The following SGIP1 variants were observed in gnomAD, a reference collection of about 807,000 sequenced individuals.
SGIP1 encodes SH3GL interacting endocytic adaptor 1, also known as SH3-containing GRB2-like protein 3-interacting protein 1.
In SGIP1, 38 loss-of-function variants were observed where a neutral mutation model predicts 107.5. The observed-to-expected ratio is 0.35, with a 90% confidence interval of 0.27 to 0.46. The LOEUF is 0.46. SGIP1 is among the 20% of genes least tolerant of loss of function. The pLI, the probability that SGIP1 is intolerant of heterozygous loss-of-function variation, is 1.00. For synonymous variants in SGIP1, 365 were observed against 366.1 expected, an observed-to-expected ratio of 1.00 and a Z score of 0.03; for missense variants, 929 against 1,019.5, an observed-to-expected ratio of 0.91 and a Z score of 1.21.
intron 1 of SGIP1, among the ~76,000 whole-genome samples, chr1:66,540,299 T>C (rs938555764): frequency 6.6e-6 from 1 of 152,200 alleles, no homozygotes; most frequent in Non-Finnish European, 1.5e-5. Context: ...GATGAGCTCC[T>C]AGGAAATGAT....
intron 1 of SGIP1, among the ~76,000 whole-genome samples, chr1:66,621,217 T>G (rs1218741393): frequency 6.6e-6 from 1 of 152,236 alleles, no homozygotes; most frequent in Non-Finnish European, 1.5e-5. Flanking sequence ...TTCTTGATTC[T>G]GAAGGTCACT....
intron 1 of SGIP1, among the ~76,000 whole-genome samples, chr1:66,574,517 TATGAGAACAATTAG>T: frequency 6.6e-6 from 1 of 152,288 alleles, no homozygotes. Flanking sequence ...GTTATACATC[TATGAGAACAATTAG>T]ATTGTTTTTG....
intron 12 of SGIP1, among the ~76,000 whole-genome samples, chr1:66,674,298 G>A (rs1474159600): frequency 5.3e-5 from 8 of 151,952 alleles, no homozygotes; most frequent in Admixed American, 5.2e-4. Flanking sequence ...CATGTTTTTG[G>A]ATGGCTGTAA....
intron 1 of SGIP1, among the ~76,000 whole-genome samples, chr1:66,598,634 G>T (rs1189306171): frequency 6.6e-6 from 1 of 152,182 alleles, no homozygotes; most frequent in Non-Finnish European, 1.5e-5. Flanking sequence ...TGTGAAAGGG[G>T]AGCCAGCACT....
intron 7 of SGIP1, among the ~76,000 whole-genome samples, chr1:66,656,431 A>G (rs1036400887): frequency 6.6e-6 from 1 of 152,222 alleles, no homozygotes; most frequent in African/African-American, 2.4e-5. Context: ...AGCCATTTAT[A>G]TAATCAAGTA....
At chr1:66,732,621 A>G (rs2094066171) in intron 20 of SGIP1, among the ~76,000 whole-genome samples, 1 of 152,134 alleles carries the variant, frequency 6.6e-6, no homozygotes, top group Non-Finnish European at 1.5e-5. Flanking sequence ...TTTTTTACTC[A>G]GCTTTCTTGA....
chr1:66,592,005 A>G (rs908450072), intron 1 of SGIP1, among the ~76,000 whole-genome samples: 6 of 152,238 alleles, frequency 3.9e-5, no homozygotes, highest in Admixed American at 3.3e-4. Flanking sequence ...CTCAGTAAAT[A>G]GAATGCACGA....
At chr1:66,699,476 A>G (rs549050225) in intron 18 of SGIP1, among the ~76,000 whole-genome samples, 1 of 152,270 alleles carries the variant, frequency 6.6e-6, no homozygotes, top group Non-Finnish European at 1.5e-5. Flanking sequence ...CCTGTCTCAC[A>G]TGCTGGCTCC....
intron 12 of SGIP1, among the ~76,000 whole-genome samples, chr1:66,676,707 A>G (rs2085433129): frequency 6.6e-6 from 1 of 152,128 alleles, no homozygotes; most frequent in South Asian, 2.1e-4. Flanking sequence ...ACATGTACTG[A>G]TACTCAGAAT....
At chr1:66,543,046 T>G (rs2055381216) in intron 1 of SGIP1, among the ~76,000 whole-genome samples, 1 of 152,204 alleles carries the variant, frequency 6.6e-6, no homozygotes, top group African/African-American at 2.4e-5. Flanking sequence ...GCAAGTTAAT[T>G]TTATTATCAG....
chr1:66,607,126 G>A (rs377726682), intron 1 of SGIP1, among the ~76,000 whole-genome samples: 12 of 152,296 alleles, frequency 7.9e-5, no homozygotes, highest in Non-Finnish European at 1.6e-4. Context: ...AACAGAATTC[G>A]AGCAGGCATT....
intron 7 of SGIP1, among the ~76,000 whole-genome samples, chr1:66,645,799 A>G (rs2077547940): frequency 6.6e-6 from 1 of 152,192 alleles, no homozygotes; most frequent in Admixed American, 6.5e-5. Flanking sequence ...CCTCTCCTTG[A>G]TAACCCGTGT....
rs10707091 is a variant in SGIP1 at position 66,614,809 on chromosome 1, C to CTTTT, written c.11-11014_11-11011dup. Among the ~76,000 whole-genome samples, 151 of 59,418 alleles carry CTTTT rather than the reference C, an allele frequency of 2.5e-3. 19 individuals are homozygous for CTTTT. The highest frequency in any genetic ancestry group is 3.8e-3 in the Non-Finnish European group (129 of 33,574). The allele number at this position is 59,418 out of a possible 152,430, so 39.0% of individuals were successfully genotyped here. A position where few individuals can be genotyped will look rare whatever the true frequency, so the allele number is the denominator to read the frequency against. On this transcript the variant is annotated intron_variant, in intron 1 of 24. Coordinates refer to ENST00000371037, the MANE Select transcript of SGIP1 (RefSeq NM_032291.4). ...CTAATAGGGGCTATGTTCCAGCTGTCTTTTTTTTTTTTTTTTTTTTTTTTT... is the reference window on the plus strand; with the variant it reads ...CTAATAGGGGCTATGTTCCAGCTGTCTTTTTTTTTTTTTTTTTTTTTTTTTTTTT...
intron 7 of SGIP1, among the ~76,000 whole-genome samples, chr1:66,653,057 C>T (rs1369830109): frequency 1.3e-5 from 2 of 152,156 alleles, no homozygotes. Flanking sequence ...CACTAAATCC[C>T]AGACATGGGC....
intron 1 of SGIP1, among the ~76,000 whole-genome samples, chr1:66,621,222 G>T (rs1234585704): frequency 3.9e-5 from 6 of 152,172 alleles, no homozygotes; most frequent in African/African-American, 1.4e-4. Flanking sequence ...GATTCTGAAG[G>T]TCACTATGAA....
At chr1:66,660,709 A>C (rs1334223061) in intron 8 of SGIP1, among the ~76,000 whole-genome samples, 185 bp downstream of exon 8, 1 of 152,182 alleles carries the variant, frequency 6.6e-6, no homozygotes. Context: ...GTTGGTTGCT[A>C]AGTGCTTTTA....
intron 1 of SGIP1, among the ~76,000 whole-genome samples, chr1:66,554,008 G>A (rs190013722): frequency 6.6e-6 from 1 of 152,210 alleles, no homozygotes; most frequent in African/African-American, 2.4e-5. Context: ...CTTGGTTTAT[G>A]CGGCAGTCAT....
chr1:66,615,117 G>A (rs575074472), intron 1 of SGIP1, among the ~76,000 whole-genome samples: 11 of 151,408 alleles, frequency 7.3e-5, no homozygotes, highest in African/African-American at 2.2e-4. Context: ...CTCTGCCCCC[G>A]GCCTTTTTTG....
chr1:66,583,751 T>G (rs2062152717), intron 1 of SGIP1, among the ~76,000 whole-genome samples: 1 of 152,150 alleles, frequency 6.6e-6, no homozygotes, highest in African/African-American at 2.4e-5. Flanking sequence ...TTTGTTCACA[T>G]AGCTTGCTCC....
Sources: allele counts gnomAD v4.1 joint callset (sites outside exome capture counted in the v4.1 genomes callset), GRCh38; gene constraint gnomAD v4.1.1; transcripts MANE v1.5; gene names NCBI Gene and HGNC (gene_info 2026-07-23, HGNC 2026-07-21).